The following PRSS16 variants were observed in gnomAD, a reference collection of about 807,000 sequenced individuals.
The protein encoded by PRSS16 is serine protease 16.
A neutral mutation model predicts 61.7 loss-of-function variants in PRSS16; 43 were observed. The observed-to-expected ratio is 0.70, with a 90% CI of 0.55 to 0.90. PRSS16 has a LOEUF of 0.90. PRSS16 is among the 40% of genes least tolerant of loss of function. The pLI is 0.00. For missense variants in PRSS16, 591 were observed against 659.1 expected (o/e 0.90, Z 1.13); for synonymous variants, 273 against 285.2 (o/e 0.96, Z 0.43).
Position 27,251,364 on chromosome 6 carries a change from G to A in PRSS16, c.717+100G>A. The A allele has an allele frequency of 7.0e-7, 1 of 1,421,970 alleles. No individual in the cohort carries two copies. The highest frequency in any genetic ancestry group is 1.4e-5 in the South Asian group (1 of 72,806). 88.1% of individuals were successfully genotyped at this position (1,421,970 alleles called of 1,614,324 possible). ...AGAAGGGCGAAACCTGCAACGTGGCGGGGTCTAAGGAAGGTCGGAGCTCGG... is the reference window on the plus strand; with the variant it reads ...AGAAGGGCGAAACCTGCAACGTGGCAGGGTCTAAGGAAGGTCGGAGCTCGG... On this transcript the variant is annotated intron_variant, in intron 7 of 11. Transcript: ENST00000230582. This position sits in a 1 kb window ranked among gnomAD's most constrained non-coding sequence, Gnocchi z 5.6.
Position 27,251,358 on chromosome 6 carries a change from C to T in PRSS16, c.717+94C>T, listed in dbSNP as rs918203766. 4.9e-6 allele frequency: 7 copies of T among 1,439,348 alleles called. No individual in the cohort carries two copies. The highest frequency in any genetic ancestry group is 4.3e-5 in the African/African-American group (3 of 70,132). The allele number at this position is 1,439,348 out of a possible 1,614,324, so 89.2% of individuals were successfully genotyped here. On this transcript the variant is annotated intron_variant, in intron 7 of 11. Coordinates refer to ENST00000230582, the MANE Select transcript of PRSS16 (RefSeq NM_005865.4). The surrounding 1 kb of genome is among the most constrained non-coding windows in gnomAD (Gnocchi z 5.6). ...GGCCAGAGAAGGGCGAAACCTGCAACGTGGCGGGGTCTAAGGAAGGTCGGA... is the reference window on the plus strand; with the variant it reads ...GGCCAGAGAAGGGCGAAACCTGCAATGTGGCGGGGTCTAAGGAAGGTCGGA...
Position 27,251,346 on chromosome 6 carries a change from C to A in PRSS16, c.717+82C>A. 1 of 1,475,772 alleles carries A rather than the reference C, an allele frequency of 6.8e-7. No individual in the cohort carries two copies. Among genetic ancestry groups the A allele is most frequent in the Non-Finnish European group, 9.1e-7 (1 of 1,104,202 alleles). The allele number at this position is 1,475,772 out of a possible 1,614,324, so 91.4% of individuals were successfully genotyped here. On this transcript the variant is annotated intron_variant, in intron 7 of 11. Transcript: ENST00000230582. This position sits in a 1 kb window ranked among gnomAD's most constrained non-coding sequence, Gnocchi z 5.6. ...CAGGGAAGAGGAGGCCAGAGAAGGG[C>A]GAAACCTGCAACGTGGCGGGGTCTA...
Position 27,255,874 on chromosome 6 carries a change from G to A in PRSS16, c.*559G>A, listed in dbSNP as rs1561776320. Reference sequence around the variant, plus strand: ...TTTCTGTCCTTCAATCTGTGTTTTTGTTTCTGGCTCTCCGTCAGTGTCTTT... The same window carrying A: ...TTTCTGTCCTTCAATCTGTGTTTTTATTTCTGGCTCTCCGTCAGTGTCTTT... On this transcript the variant is annotated 3_prime_UTR_variant, in exon 12 of 12. Transcript: ENST00000230582. This position sits in a 1 kb window ranked among gnomAD's most constrained non-coding sequence, Gnocchi z 4.4. 1 of 152,748 alleles carries A rather than the reference G, an allele frequency of 6.5e-6. No homozygotes were observed. The highest frequency in any genetic ancestry group is 1.5e-5 in the Non-Finnish European group (1 of 68,816). The allele number at this position is 152,748 out of a possible 1,614,324, so 9.5% of individuals were successfully genotyped here.
chr6:27,254,790 G>A lies in PRSS16; in HGVS notation c.1248G>A (p.Leu416=), dbSNP rs764285270. 5.0e-5 allele frequency: 81 copies of A among 1,614,094 alleles called. No homozygotes were observed. Among genetic ancestry groups the A allele is most frequent in the Non-Finnish European group, 6.8e-5 (80 of 1,180,038 alleles). The change falls in exon 10 of 12, where the codon TTG becomes TTA. Residue 416 remains leucine, a synonymous_variant. Transcript: ENST00000230582. Reference sequence around the variant, plus strand: ...AGCAGGTGTTTGGGCTCTCAGCCTTGTCAGTAGCCCAGGCTGTGGCTCAGA... The same window carrying A: ...AGCAGGTGTTTGGGCTCTCAGCCTTATCAGTAGCCCAGGCTGTGGCTCAGA... ...LCEQVFGLSA[L]SVAQAVAQTN...
rs1315460656 is a variant in PRSS16 at position 27,247,725 on chromosome 6, AG to A, written c.-12del. Reference sequence around the variant, plus strand: ...TAAAGGTCCTCCTGGGGGAGAACAGAGTCCCGAACACCATGGCCGTCTGGCT... The same window carrying A: ...TAAAGGTCCTCCTGGGGGAGAACAGATCCCGAACACCATGGCCGTCTGGCT... On this transcript the variant is annotated 5_prime_UTR_variant, in exon 1 of 12. Coordinates refer to ENST00000230582, the MANE Select transcript of PRSS16 (RefSeq NM_005865.4). 6.4e-7 allele frequency: 1 copy of A among 1,559,558 alleles called. No individual in the cohort carries two copies. The highest frequency in any genetic ancestry group is 8.7e-7 in the Non-Finnish European group (1 of 1,151,492).
At position 27,252,798 on chromosome 6, in the gene PRSS16, T is replaced by A; in HGVS notation, c.1009-10T>A. On this transcript the variant is annotated splice_polypyrimidine_tract_variant and intron_variant, in intron 8 of 11. Coordinates refer to ENST00000230582, the MANE Select transcript of PRSS16 (RefSeq NM_005865.4). This position sits in a 1 kb window ranked among gnomAD's most constrained non-coding sequence, Gnocchi z 4.2. ...GAATTTATGTCTTATGTATGTACAT[T>A]GTTCCCTAGATTGTCTTGCACAGCC... 6.2e-7 allele frequency: 1 copy of A among 1,613,952 alleles called. No homozygotes were observed. Among genetic ancestry groups the A allele is most frequent in the Non-Finnish European group, 8.5e-7 (1 of 1,179,988 alleles).
rs1284118401 is a variant in PRSS16, at chr6:27,251,568, G to C, written c.718-182G>C. On this transcript the variant is annotated intron_variant, in intron 7 of 11. Coordinates refer to ENST00000230582, the MANE Select transcript of PRSS16 (RefSeq NM_005865.4). The surrounding 1 kb of genome is among the most constrained non-coding windows in gnomAD (Gnocchi z 5.6). ...CCTGCAGGGAAGACCCGAGAAGGAG[G>C]GCTGCGAGGCAGGGGATTGGGGGCG... The C allele has an allele frequency of 4.7e-5, 39 of 821,806 alleles. No homozygotes were observed. In the East Asian group the frequency reaches 1.1e-3, roughly 22 times the overall value. 50.9% of individuals were successfully genotyped at this position (821,806 alleles called of 1,614,324 possible). A position where few individuals can be genotyped will look rare whatever the true frequency, so the allele number is the denominator to read the frequency against.
At position 27,255,413 on chromosome 6, in the gene PRSS16, C is replaced by G; in HGVS notation, c.*98C>G. ...CAGCTTGTTTTGAAAGAAGAAACTC[C>G]CAGGAATTGGAATTCAGCACCTGTT... On this transcript the variant is annotated 3_prime_UTR_variant, in exon 12 of 12. Transcript: ENST00000230582. This position sits in a 1 kb window ranked among gnomAD's most constrained non-coding sequence, Gnocchi z 4.4. 2 of 1,289,800 alleles carry G rather than the reference C, an allele frequency of 1.6e-6. No individual in the cohort carries two copies. Among genetic ancestry groups the G allele is most frequent in the East Asian group, 2.5e-5 (1 of 39,384 alleles). The allele number at this position is 1,289,800 out of a possible 1,614,324, so 79.9% of individuals were successfully genotyped here.
chr6:27,251,179 G>A lies in PRSS16; in HGVS notation c.670-38G>A. 1 of 1,613,922 alleles carries A rather than the reference G, an allele frequency of 6.2e-7. No individual in the cohort carries two copies. The highest frequency in any genetic ancestry group is 8.5e-7 in the Non-Finnish European group (1 of 1,179,962). ...GGGGTCCCAGCGGGCGGAGTCCCTTGACACTTCCGGATACCTTCCTCTGCG... is the reference window on the plus strand; with the variant it reads ...GGGGTCCCAGCGGGCGGAGTCCCTTAACACTTCCGGATACCTTCCTCTGCG... On this transcript the variant is annotated intron_variant, in intron 6 of 11. Transcript: ENST00000230582. This position sits in a 1 kb window ranked among gnomAD's most constrained non-coding sequence, Gnocchi z 5.6.
At chr6:27,253,927 A>G (rs1759975546) in intron 9 of PRSS16, 1 of 152,754 alleles carries the variant, frequency 6.5e-6, no homozygotes, top group Non-Finnish European at 1.5e-5. Flanking sequence ...TCTTCCTAAC[A>G]TCTTAGGAAC....
chr6:27,252,182 C>A lies in PRSS16; in HGVS notation c.1008+142C>A. 1 of 1,026,668 alleles carries A rather than the reference C, an allele frequency of 9.7e-7. No individual in the cohort carries two copies. Among genetic ancestry groups the A allele is most frequent in the Non-Finnish European group, 1.4e-6 (1 of 740,578 alleles). The allele number at this position is 1,026,668 out of a possible 1,614,324, so 63.6% of individuals were successfully genotyped here. ...AAAATGGGGATAACACTTCACAGGG[C>A]CGATGGGAAGATGAAATGAGGCGGG... On this transcript the variant is annotated intron_variant, in intron 8 of 11. Transcript: ENST00000230582. The surrounding 1 kb of genome is among the most constrained non-coding windows in gnomAD (Gnocchi z 4.2).
Position 27,251,607 on chromosome 6 carries a change from G to GGGGGCCTGGGGGCA in PRSS16, c.718-133_718-132insGGCAGGGGCCTGGG. On this transcript the variant is annotated intron_variant, in intron 7 of 11. Coordinates refer to ENST00000230582, the MANE Select transcript of PRSS16 (RefSeq NM_005865.4). The surrounding 1 kb of genome is among the most constrained non-coding windows in gnomAD (Gnocchi z 5.6). ...GGATTGGGGGCGGGGGCCTGGGGGC[G>GGGGGCCTGGGGGCA]GGGGCCTGGGCCAAGAGCTAGGTCT... 1 of 1,083,610 alleles carries GGGGGCCTGGGGGCA rather than the reference G, an allele frequency of 9.2e-7. No homozygotes were observed. Among genetic ancestry groups the GGGGGCCTGGGGGCA allele is most frequent in the Non-Finnish European group, 1.3e-6 (1 of 791,784 alleles). The allele number at this position is 1,083,610 out of a possible 1,614,324, so 67.1% of individuals were successfully genotyped here. A position where few individuals can be genotyped will look rare whatever the true frequency, so the allele number is the denominator to read the frequency against.
intron 10 of PRSS16, 36 bp from the exon 11 acceptor site, chr6:27,254,950 C>T: frequency 6.2e-7 from 1 of 1,612,270 alleles, no homozygotes; most frequent in Non-Finnish European, 8.5e-7. Flanking sequence ...CTCCCAGCAC[C>T]CATCTACCTA....
At chr6:27,248,141 C>T in intron 2 of PRSS16, 93 bp downstream of exon 2, 7 of 1,353,532 alleles carry the variant, frequency 5.2e-6, no homozygotes, top group Non-Finnish European at 6.0e-6. Context: ...TCTCTCTCCA[C>T]ACCTCAGTTC....
chr6:27,252,207 G>A lies in PRSS16; in HGVS notation c.1008+167G>A, dbSNP rs1002438397. 1.2e-5 allele frequency: 10 copies of A among 821,540 alleles called. No individual in the cohort carries two copies. Among genetic ancestry groups the A allele is most frequent in the African/African-American group, 1.8e-5 (1 of 56,832 alleles). 50.9% of individuals were successfully genotyped at this position (821,540 alleles called of 1,614,324 possible). ...CCGATGGGAAGATGAAATGAGGCGG[G>A]TCATGTAGAGCAATCAGCTGGGAGC... On this transcript the variant is annotated intron_variant, in intron 8 of 11. Coordinates refer to ENST00000230582, the MANE Select transcript of PRSS16 (RefSeq NM_005865.4). The surrounding 1 kb of genome is among the most constrained non-coding windows in gnomAD (Gnocchi z 4.2).
Position 27,247,764 on chromosome 6 carries a change from G to A in PRSS16, c.27G>A (p.Leu9=). 4 of 1,590,504 alleles carry A rather than the reference G, an allele frequency of 2.5e-6. No individual in the cohort carries two copies. The highest frequency in any genetic ancestry group is 3.4e-6 in the Non-Finnish European group (4 of 1,168,836). MAVWLAQW[L]GPLLLVSLWG... is the part of the protein sequence containing the mutation. ...TGGCCGTCTGGCTTGCCCAGTGGCT[G>A]GGCCCTCTGCTCTTGGTTTCCCTCT... The change falls in exon 1 of 12, where the codon CTG becomes CTA. Residue 9 remains leucine, a synonymous_variant. Transcript: ENST00000230582.
chr6:27,247,979 C>A lies in PRSS16; in HGVS notation c.168C>A (p.Leu56=), dbSNP rs1374902687. The A allele has an allele frequency of 5.6e-6, 9 of 1,612,438 alleles. No individual in the cohort carries two copies. Among genetic ancestry groups the A allele is most frequent in the Non-Finnish European group, 7.6e-6 (9 of 1,179,292 alleles). The change falls in exon 2 of 12, where the codon CTC becomes CTA. Residue 56 remains leucine, a synonymous_variant. Coordinates refer to ENST00000230582, the MANE Select transcript of PRSS16 (RefSeq NM_005865.4). ...GLSLGPGAAA[L]PKVGWLEQLL... ...GCCTGGGGCCAGGTGCTGCAGCCCTCCCAAAAGTGGGGTGGCTGGAGCAAC... is the reference window on the plus strand; with the variant it reads ...GCCTGGGGCCAGGTGCTGCAGCCCTACCAAAAGTGGGGTGGCTGGAGCAAC...
At chr6:27,249,788 T>C (rs999106577) in intron 4 of PRSS16, among the ~76,000 whole-genome samples, 1 of 152,218 alleles carries the variant, frequency 6.6e-6, no homozygotes, top group African/African-American at 2.4e-5. Flanking sequence ...GGGCTCCAGC[T>C]ACATTGAAGT....
In PRSS16 at chr6:27,252,804, C is replaced by G; in HGVS notation, c.1009-4C>G. On this transcript the variant is annotated splice_polypyrimidine_tract_variant and splice_region_variant and intron_variant, in intron 8 of 11. Coordinates refer to ENST00000230582, the MANE Select transcript of PRSS16 (RefSeq NM_005865.4). The surrounding 1 kb of genome is among the most constrained non-coding windows in gnomAD (Gnocchi z 4.2). ...ATGTCTTATGTATGTACATTGTTCC[C>G]TAGATTGTCTTGCACAGCCTGGGCC... 6.2e-7 allele frequency: 1 copy of G among 1,613,938 alleles called. No individual in the cohort carries two copies. The highest frequency in any genetic ancestry group is 8.5e-7 in the Non-Finnish European group (1 of 1,179,990).
Sources: allele counts gnomAD v4.1 joint callset (sites outside exome capture counted in the v4.1 genomes callset), GRCh38; gene constraint gnomAD v4.1.1; non-coding constraint Gnocchi (gnomAD v3.1); transcripts MANE v1.5; gene names NCBI Gene and HGNC (gene_info 2026-07-23, HGNC 2026-07-21).